Variants in STX17 observed in about 807,000 individuals in gnomAD.
STX17 encodes the protein syntaxin 17.
A neutral mutation model predicts 35.9 loss-of-function variants in STX17; 29 were observed. The observed-to-expected ratio is 0.81, with a 90% CI of 0.60 to 1.10. The LOEUF is 1.10. Among genes scored for constraint, STX17 ranks in the 50% least tolerant of loss-of-function variants. The probability of loss-of-function intolerance (pLI) is 0.00; values close to 1 mark genes in which losing one functional copy is unlikely to be tolerated. For synonymous variants in STX17, 92 were observed against 118.3 expected, an observed-to-expected ratio of 0.78 and a Z score of 1.44; for missense variants, 312 against 352.3, an observed-to-expected ratio of 0.89 and a Z score of 0.92.
chr9:99,941,285 C>T (rs952524695), intron 3 of STX17, among the ~76,000 whole-genome samples: 1 of 152,224 alleles, frequency 6.6e-6, no homozygotes, highest in South Asian at 2.1e-4. Context: ...ACACAATCCC[C>T]GTTCTTAGAA....
At chr9:99,941,230 C>T (rs72746329) in intron 3 of STX17, among the ~76,000 whole-genome samples, 2,668 of 152,236 alleles carry the variant, frequency 0.018, 39 homozygotes, top group Non-Finnish European at 0.027. Context: ...ATACCATATA[C>T]CAGGGACCAA....
intron 4 of STX17, among the ~76,000 whole-genome samples, chr9:99,958,401 ACTAT>A (rs1450250302): frequency 6.6e-6 from 1 of 152,196 alleles, no homozygotes; most frequent in Non-Finnish European, 1.5e-5. Context: ...ACTGAACTTG[ACTAT>A]TAATATGTCT....
In STX17 at chr9:99,969,483, C is replaced by T. The variant is rs773453097; in HGVS notation, c.*810C>T. On this transcript the variant is annotated 3_prime_UTR_variant, in exon 8 of 8. Transcript: ENST00000259400. ...ACCCATGTATAATGAGGAATTCTCT[C>T]ATAACCTTTTTTGTCTTGTCTGTCA... 5.3e-5 allele frequency: 8 copies of T among 152,140 alleles called. No individual in the cohort carries two copies. Among genetic ancestry groups the T allele is most frequent in the Non-Finnish European group, 7.3e-5 (5 of 68,038 alleles). 9.4% of individuals were successfully genotyped at this position (152,140 alleles called of 1,614,324 possible). A position where few individuals can be genotyped will look rare whatever the true frequency, so the allele number is the denominator to read the frequency against.
chr9:99,927,520 C>T (rs931175058), intron 2 of STX17, among the ~76,000 whole-genome samples: 9 of 151,734 alleles, frequency 5.9e-5, no homozygotes, highest in Admixed American at 1.3e-4. Flanking sequence ...GTTGCCCAGG[C>T]TGGAGTGCAG....
intron 3 of STX17, among the ~76,000 whole-genome samples, chr9:99,934,983 T>C (rs1017252318): frequency 7.9e-5 from 12 of 152,130 alleles, no homozygotes; most frequent in African/African-American, 2.7e-4. Flanking sequence ...TAAGTACTTA[T>C]AACATTTAGT....
At position 99,973,954 on chromosome 9, in the gene STX17, G is replaced by C. The variant is rs1484958087; in HGVS notation, c.*5281G>C. 6.6e-6 allele frequency among the ~76,000 whole-genome samples: 1 copy of C among 152,008 alleles called. No homozygotes were observed. The highest frequency in any genetic ancestry group is 1.5e-5 in the Non-Finnish European group (1 of 67,994). On this transcript the variant is annotated 3_prime_UTR_variant, in exon 8 of 8. Transcript: ENST00000259400. ...TTTTTCTATGGTGAAGGTTCAAACT[G>C]GTAATAAACCATGTTTACATTTTTC... is the stretch of plus-strand genomic sequence containing the variant.
chr9:99,944,595 A>G (rs1465109737), intron 3 of STX17, among the ~76,000 whole-genome samples: 1 of 150,296 alleles, frequency 6.7e-6, no homozygotes, highest in Non-Finnish European at 1.5e-5. Context: ...GCTCACTGCA[A>G]CCTCCGCCTC....
chr9:99,967,730 C>T lies in STX17; in HGVS notation c.660C>T (p.Asn220=). ...AAVNVEEGTK[N]LGKAAKYKLA... is the part of the protein sequence containing the mutation. The stretch of plus-strand genomic sequence containing the variant: ...TGAATGTTGAAGAGGGAACCAAAAA[C>T]TTAGGGAAGGTAAGATTCTGCTCCT... Residue 220 remains asparagine, a synonymous_variant, in exon 7 of 8, where the codon AAC becomes AAT. Coordinates refer to ENST00000259400, the MANE Select transcript of STX17 (RefSeq NM_017919.3). 1 of 1,613,802 alleles carries T rather than the reference C, an allele frequency of 6.2e-7. No homozygotes were observed. Among genetic ancestry groups the T allele is most frequent in the Non-Finnish European group, 8.5e-7 (1 of 1,179,812 alleles).
At chr9:99,945,766 A>C (rs1351063810) in intron 3 of STX17, 3 of 397,190 alleles carry the variant, frequency 7.6e-6, no homozygotes, top group African/African-American at 2.1e-5. Context: ...TCAACTGTGG[A>C]ACAAAAATTT....
intron 2 of STX17, among the ~76,000 whole-genome samples, chr9:99,925,699 GTTTCT>G (rs1828973249): frequency 2.6e-5 from 4 of 152,008 alleles, no homozygotes; most frequent in South Asian, 2.1e-4. Context: ...GGCTTGGATT[GTTTCT>G]CACAAGAAGT....
intron 3 of STX17, among the ~76,000 whole-genome samples, chr9:99,943,005 C>T (rs865953898): frequency 2.6e-5 from 4 of 152,128 alleles, no homozygotes; most frequent in Non-Finnish European, 4.4e-5. Context: ...TAGTCTCAGC[C>T]CTGTGCATTT....
At position 99,968,852 on chromosome 9, in the gene STX17, T is replaced by C. The variant is rs1317943050; in HGVS notation, c.*179T>C. The C allele has an allele frequency of 4.3e-6, 4 of 932,122 alleles. No homozygotes were observed. The East Asian group carries it at 8.6e-5, about 20-fold the overall frequency. The allele number at this position is 932,122 out of a possible 1,614,324, so 57.7% of individuals were successfully genotyped here. On this transcript the variant is annotated 3_prime_UTR_variant, in exon 8 of 8. Coordinates refer to ENST00000259400, the MANE Select transcript of STX17 (RefSeq NM_017919.3). ...TTGTTTGCTGGGGTGTTCATGGAGA[T>C]GTTAAGAGATTGAGGCCCTGGGCTG...
intron 4 of STX17, among the ~76,000 whole-genome samples, chr9:99,955,947 A>G (rs939914971): frequency 6.6e-6 from 1 of 152,160 alleles, no homozygotes; most frequent in African/African-American, 2.4e-5. Flanking sequence ...TGTCCATAGC[A>G]GTTCGTAAAA....
chr9:99,907,867 C>G (rs1355163241), intron 1 of STX17, among the ~76,000 whole-genome samples: 1 of 152,158 alleles, frequency 6.6e-6, no homozygotes, highest in Non-Finnish European at 1.5e-5. Flanking sequence ...AGGATCCACT[C>G]TAAGACCCGA....
intron 2 of STX17, among the ~76,000 whole-genome samples, chr9:99,927,897 C>T (rs1829022219): frequency 6.6e-6 from 1 of 152,022 alleles, no homozygotes; most frequent in Admixed American, 6.6e-5. Context: ...ATGTGCAGAA[C>T]GAGGAATATA....
intron 3 of STX17, among the ~76,000 whole-genome samples, chr9:99,943,993 T>C (rs1035352675): frequency 2.6e-5 from 4 of 152,110 alleles, no homozygotes; most frequent in African/African-American, 9.6e-5. Flanking sequence ...AATATACATT[T>C]AATTTCTTTA....
chr9:99,960,236 G>T, intron 6 of STX17, 81 bp downstream of exon 6: 1 of 1,358,086 alleles, frequency 7.4e-7, no homozygotes, highest in South Asian at 1.3e-5. Context: ...CTTTTAATTA[G>T]AATTTTAATA....
intron 3 of STX17, among the ~76,000 whole-genome samples, chr9:99,946,566 TTTCATTTCTG>T (rs1829486876): frequency 6.6e-6 from 1 of 152,172 alleles, no homozygotes; most frequent in Admixed American, 6.5e-5. Context: ...TTTAGCATAT[TTTCATTTCTG>T]TTCATTTCTT....
intron 2 of STX17, among the ~76,000 whole-genome samples, chr9:99,923,035 T>A (rs1054459869): frequency 1.3e-5 from 2 of 152,208 alleles, no homozygotes; most frequent in Non-Finnish European, 2.9e-5. Context: ...ATTTTTTTTT[T>A]ACAACACTTT....
Sources: gnomAD v4.1 joint callset for allele counts (sites outside exome capture counted in the v4.1 genomes callset) on GRCh38, gnomAD v4.1.1 for gene constraint, MANE v1.5 for transcripts, NCBI Gene and HGNC (gene_info 2026-07-23, HGNC 2026-07-21) for gene names.